The following TLN2 variants were observed in gnomAD, a reference collection of about 807,000 sequenced individuals.
TLN2 encodes the protein talin-2.
TLN2 carries 118 observed loss-of-function variants against 294.7 expected under a neutral mutation model. The ratio of observed to expected loss-of-function variants is 0.40; its 90% CI spans 0.34 to 0.47. The LOEUF is 0.47. Among genes scored for constraint, TLN2 ranks in the 20% least tolerant of loss-of-function variants. The pLI, the probability that TLN2 is intolerant of heterozygous loss-of-function variation, is 0.84. For missense variants in TLN2, 3,083 were observed against 3,282.2 expected (o/e 0.94, Z 1.48); for synonymous variants, 1,431 against 1,304.5 (o/e 1.10, Z -2.09).
intron 9 of TLN2, among the ~76,000 whole-genome samples, chr15:62,668,242 C>G (rs1343108390): frequency 3.3e-5 from 5 of 152,132 alleles, no homozygotes; most frequent in African/African-American, 1.2e-4. Context: ...TTTTACCACA[C>G]ACATAGAAAC....
chr15:62,614,456 G>C (rs904646768), intron 2 of TLN2, among the ~76,000 whole-genome samples: 1 of 151,920 alleles, frequency 6.6e-6, no homozygotes, highest in Admixed American at 6.6e-5. Flanking sequence ...TTTCAATTTT[G>C]CTGCTTGTAT....
intron 22 of TLN2, 45 bp downstream of exon 22, chr15:62,712,122 T>C: frequency 6.3e-7 from 1 of 1,591,160 alleles, no homozygotes; most frequent in Non-Finnish European, 8.6e-7. Context: ...CACTATTAAG[T>C]GTTAGGATTT....
At chr15:62,825,836 A>AAT (rs200838959) in intron 54 of TLN2, among the ~76,000 whole-genome samples, 71,573 of 76,988 alleles carry the variant, frequency 0.93, 33,765 homozygotes, top group East Asian at 0.97. Context: ...TATAATATAT[A>AAT]ATATATATAA....
intron 1 of TLN2, among the ~76,000 whole-genome samples, chr15:62,544,882 A>G (rs758204578): frequency 6.6e-6 from 1 of 151,894 alleles, no homozygotes; most frequent in Non-Finnish European, 1.5e-5. Context: ...CAACACATTG[A>G]TTGTGTTAAT....
intron 1 of TLN2, among the ~76,000 whole-genome samples, chr15:62,535,161 T>C (rs1182257695): frequency 6.6e-6 from 1 of 152,198 alleles, no homozygotes; most frequent in Non-Finnish European, 1.5e-5. Flanking sequence ...GTTAGCTGTG[T>C]GTTAAGAACA....
chr15:62,404,307 A>G (rs2033240918), intron 1 of TLN2, among the ~76,000 whole-genome samples: 1 of 152,234 alleles, frequency 6.6e-6, no homozygotes, highest in South Asian at 2.1e-4. Flanking sequence ...GGGGTACTTA[A>G]GCAGTCTACT....
In TLN2 at chr15:62,776,884, G is replaced by C. The variant is rs1331061418; in HGVS notation, c.5488G>C (p.Asp1830His). ...AGTGGGGCTGGTTGGGGGCATGGTG[G>C]ACGCCATTGCAGAAGCCATGAGCAA... is the stretch of plus-strand genomic sequence containing the variant. ...SEVGLVGGMVDAIAEAMSKLD... is the reference protein window; with the variant it reads ...SEVGLVGGMVHAIAEAMSKLD... Residue 1830 changes from aspartate (D) to histidine (H), a missense_variant, in exon 43 of 59, where the codon GAC becomes CAC. Transcript: ENST00000636159. 2.5e-6 allele frequency: 4 copies of C among 1,588,650 alleles called. No homozygotes were observed. The South Asian group carries it at 4.5e-5, about 18-fold the overall frequency.
intron 1 of TLN2, among the ~76,000 whole-genome samples, chr15:62,574,922 C>G (rs890513587): frequency 6.6e-6 from 1 of 152,054 alleles, no homozygotes; most frequent in Non-Finnish European, 1.5e-5. Context: ...CTTGCCACTC[C>G]CTACCTCCTA....
At chr15:62,515,035 T>G (rs2140459636) in intron 1 of TLN2, among the ~76,000 whole-genome samples, 2 of 152,322 alleles carry the variant, frequency 1.3e-5, no homozygotes, top group South Asian at 4.1e-4. Flanking sequence ...TGGAACTCCC[T>G]ACACACTCTG....
chr15:62,664,854 T>C (rs1243111060), intron 9 of TLN2, among the ~76,000 whole-genome samples: 1 of 1,416 alleles, frequency 7.1e-4, no homozygotes, highest in Non-Finnish European at 0.01. Flanking sequence ...AGGGAAACTG[T>C]CTCAAAAAAA....
chr15:62,710,977 C>T (rs1021841009), intron 21 of TLN2, among the ~76,000 whole-genome samples: 8 of 152,050 alleles, frequency 5.3e-5, no homozygotes, highest in Non-Finnish European at 8.8e-5. Flanking sequence ...CCGCCCACCT[C>T]GGCCTCCCAA....
rs553495603 is a variant in TLN2 at position 62,802,132 on chromosome 15, C to T, written c.6477+1363C>T. Among the ~76,000 whole-genome samples, 50 of 151,980 alleles carry T rather than the reference C, an allele frequency of 3.3e-4. 1 individual carries two copies. In the South Asian group the frequency reaches 0.01, roughly 31 times the overall value. On this transcript the variant is annotated intron_variant, in intron 50 of 58. Transcript: ENST00000636159. Reference sequence around the variant, plus strand: ...CCCACTTCCGTACTACCCTTCTTAGCCTCTGGCAACGATCCTTCTACCCTC... The same window carrying T: ...CCCACTTCCGTACTACCCTTCTTAGTCTCTGGCAACGATCCTTCTACCCTC...
chr15:62,682,004 C>T (rs2056874715), intron 11 of TLN2, among the ~76,000 whole-genome samples: 1 of 152,172 alleles, frequency 6.6e-6, no homozygotes, highest in African/African-American at 2.4e-5. Context: ...ATCCTCCCAC[C>T]TCAGTTTCCC....
At chr15:62,633,869 C>T (rs540349944) in intron 3 of TLN2, among the ~76,000 whole-genome samples, 2 of 152,250 alleles carry the variant, frequency 1.3e-5, no homozygotes, top group Non-Finnish European at 2.9e-5. Context: ...ATGGTGTTGG[C>T]AGGGTTGGTT....
At chr15:62,568,448 G>C (rs2043593908) in intron 1 of TLN2, among the ~76,000 whole-genome samples, 1 of 152,276 alleles carries the variant, frequency 6.6e-6, no homozygotes, top group East Asian at 1.9e-4. Context: ...TAGGTAAGAG[G>C]TACAATTTAA....
intron 45 of TLN2, among the ~76,000 whole-genome samples, chr15:62,790,740 A>G (rs181463409): frequency 3.9e-5 from 6 of 152,370 alleles, no homozygotes; most frequent in Admixed American, 3.9e-4. Flanking sequence ...TTAATGGGGT[A>G]TACCCCTGCT....
chr15:62,535,976 C>G (rs2041329280), intron 1 of TLN2, among the ~76,000 whole-genome samples: 1 of 152,202 alleles, frequency 6.6e-6, no homozygotes, highest in Non-Finnish European at 1.5e-5. Context: ...TTTCTAGCAT[C>G]CAGTTTTCAC....
At chr15:62,839,203 C>A in intron 58 of TLN2, among the ~76,000 whole-genome samples, 1 of 152,164 alleles carries the variant, frequency 6.6e-6, no homozygotes, top group South Asian at 2.1e-4. Flanking sequence ...GGTTCAGTAG[C>A]CCCCTCAACT....
chr15:62,836,004 C>T lies in TLN2; in HGVS notation c.7305C>T (p.Ser2435=), dbSNP rs1438783669. 1 of 1,613,536 alleles carries T rather than the reference C, an allele frequency of 6.2e-7. No individual in the cohort carries two copies. Among genetic ancestry groups the T allele is most frequent in the African/African-American group, 1.3e-5 (1 of 75,060 alleles). ...LISSAKQVAA[S]TAQLLVACKV... The stretch of plus-strand genomic sequence containing the variant: ...CATCTGCCAAGCAGGTCGCCGCTTC[C>T]ACGGCTCAGCTGCTGGTGGCCTGCA... Residue 2435 remains serine, a synonymous_variant, in exon 57 of 59, where the codon TCC becomes TCT. Transcript: ENST00000636159.
Sources: allele counts gnomAD v4.1 joint callset (sites outside exome capture counted in the v4.1 genomes callset), GRCh38; gene constraint gnomAD v4.1.1; transcripts MANE v1.5; gene names NCBI Gene and HGNC (gene_info 2026-07-23, HGNC 2026-07-21).